ELP3: variants seen among roughly 807,000 people sequenced by gnomAD.
ELP3 encodes the protein elongator acetyltransferase complex subunit 3.
Under a neutral mutation model 74.9 loss-of-function variants are expected in ELP3, and 56 were observed. That is an observed-to-expected ratio of 0.75 (90% confidence interval 0.60 to 0.93). The LOEUF is 0.93. ELP3 is among the 40% of genes least tolerant of loss of function. The pLI is 0.00. For missense variants in ELP3, 573 were observed against 686.5 expected (o/e 0.83, Z 1.85); for synonymous variants, 222 against 239.8 (o/e 0.93, Z 0.68).
At chr8:28,156,700 AT>A (rs1279927038) in intron 11 of ELP3, among the ~76,000 whole-genome samples, 1 of 152,180 alleles carries the variant, frequency 6.6e-6, no homozygotes, top group Admixed American at 6.5e-5. Flanking sequence ...GGATCAGTAG[AT>A]TGGGATGGGA....
intron 7 of ELP3, among the ~76,000 whole-genome samples, chr8:28,114,705 A>G (rs1358665994): frequency 1.3e-5 from 2 of 152,198 alleles, no homozygotes; most frequent in African/African-American, 2.4e-5. Context: ...AAACACCCAA[A>G]CCATGTCAGA....
Position 28,162,087 on chromosome 8 carries a change from G to C in ELP3, c.1567+9G>C. On this transcript the variant is annotated intron_variant, in intron 14 of 14. Transcript: ENST00000256398. ...AATCGCTGTGATATCAGGTAACTGG[G>C]GGAGGGCGAAGTTCATGATTCCTTC... The C allele has an allele frequency of 6.2e-7, 1 of 1,614,014 alleles. No homozygotes were observed. The highest frequency in any genetic ancestry group is 8.5e-7 in the Non-Finnish European group (1 of 1,179,886).
At position 28,121,323 on chromosome 8, in the gene ELP3, TA is replaced by T. The variant is rs200105605; in HGVS notation, c.617+8151del. Among the ~76,000 whole-genome samples, 1,296 of 143,260 alleles carry T rather than the reference TA, an allele frequency of 9.0e-3. 28 individuals carry two copies. Among genetic ancestry groups the T allele is most frequent in the Non-Finnish European group, 0.011 (744 of 65,624 alleles). 94.0% of individuals were successfully genotyped at this position (143,260 alleles called of 152,430 possible). A position where few individuals can be genotyped will look rare whatever the true frequency, so the allele number is the denominator to read the frequency against. On this transcript the variant is annotated intron_variant, in intron 7 of 14. Transcript: ENST00000256398. The stretch of plus-strand genomic sequence containing the variant: ...TTTTAAATTTTATTATTATTATTAT[TA>T]TTTTTTTTTTTTTGAATCGGAGTCT...
At chr8:28,162,984 A>G (rs1377284606) in intron 14 of ELP3, among the ~76,000 whole-genome samples, 1 of 152,136 alleles carries the variant, frequency 6.6e-6, no homozygotes, top group Non-Finnish European at 1.5e-5. Flanking sequence ...TGCATCTGCC[A>G]TTTTCTGATT....
intron 3 of ELP3, among the ~76,000 whole-genome samples, chr8:28,102,135 C>T (rs558578378): frequency 6.6e-6 from 1 of 152,218 alleles, no homozygotes; most frequent in South Asian, 2.1e-4. Context: ...TAACCTCATC[C>T]ATTTGATGAT....
intron 1 of ELP3, among the ~76,000 whole-genome samples, chr8:28,094,415 G>A (rs963001946): frequency 2.0e-5 from 3 of 152,170 alleles, no homozygotes; most frequent in African/African-American, 7.2e-5. Context: ...AAGGAAATGG[G>A]CACTCAAAAG....
intron 13 of ELP3, among the ~76,000 whole-genome samples, chr8:28,160,998 A>T (rs540083798): frequency 4.6e-5 from 7 of 152,124 alleles, no homozygotes; most frequent in Admixed American, 6.5e-5. Flanking sequence ...CCTGGCCTGC[A>T]GTTAGTATTT....
intron 14 of ELP3, among the ~76,000 whole-genome samples, chr8:28,164,626 T>A (rs578230270): frequency 6.6e-6 from 1 of 152,030 alleles, no homozygotes; most frequent in Non-Finnish European, 1.5e-5. Context: ...GCCTGGACTT[T>A]CTGTTTGACT....
chr8:28,171,311 A>G (rs1483860837), intron 14 of ELP3, among the ~76,000 whole-genome samples: 2 of 151,746 alleles, frequency 1.3e-5, no homozygotes, highest in Non-Finnish European at 2.9e-5. Context: ...GTGCACAAGG[A>G]TTTCAATTTC....
At chr8:28,166,050 C>G (rs1175932602) in intron 14 of ELP3, among the ~76,000 whole-genome samples, 1 of 152,126 alleles carries the variant, frequency 6.6e-6, no homozygotes, top group Admixed American at 6.5e-5. Context: ...GAACCATCAA[C>G]TCTAAATGTG....
chr8:28,162,164 C>G, intron 14 of ELP3, 86 bp downstream of exon 14: 2 of 1,339,190 alleles, frequency 1.5e-6, no homozygotes, highest in Non-Finnish European at 2.1e-6. Context: ...CCTCTTGCCC[C>G]TGTTGATGGT....
chr8:28,155,846 ATTTTTGTT>A, intron 10 of ELP3, 88 bp from the exon 11 acceptor site: 1 of 1,060,140 alleles, frequency 9.4e-7, no homozygotes, highest in Non-Finnish European at 1.4e-6. Flanking sequence ...TTGCTTTTTT[ATTTTTGTT>A]CTTTTTAACT....
At chr8:28,110,550 C>A in intron 6 of ELP3, 112 bp downstream of exon 6, 1 of 980,580 alleles carries the variant, frequency 1.0e-6, no homozygotes, top group Non-Finnish European at 1.5e-6. Flanking sequence ...GGTGTTTTTC[C>A]TCTTTGTAAG....
intron 8 of ELP3, among the ~76,000 whole-genome samples, chr8:28,131,590 G>A (rs768196703): frequency 8.5e-5 from 13 of 152,200 alleles, no homozygotes; most frequent in East Asian, 1.9e-4. Context: ...GAACACCTTC[G>A]TGGCAGAAGG....
chr8:28,159,806 G>T (rs1294744138), intron 12 of ELP3, among the ~76,000 whole-genome samples: 1 of 152,202 alleles, frequency 6.6e-6, no homozygotes, highest in Non-Finnish European at 1.5e-5. Context: ...TTTCAGTGGA[G>T]GCGATAAGGA....
chr8:28,133,334 A>G (rs895064703), intron 9 of ELP3, among the ~76,000 whole-genome samples: 1 of 151,762 alleles, frequency 6.6e-6, no homozygotes, highest in African/African-American at 2.4e-5. Flanking sequence ...TAAGGAGATT[A>G]TGGACTCATT....
chr8:28,164,389 G>C (rs1340329044), intron 14 of ELP3, among the ~76,000 whole-genome samples: 1 of 152,144 alleles, frequency 6.6e-6, no homozygotes, highest in East Asian at 1.9e-4. Flanking sequence ...AACAAGAAGA[G>C]ACTTGCTCAA....
At chr8:28,115,841 C>T (rs1585657966) in intron 7 of ELP3, among the ~76,000 whole-genome samples, 1 of 152,118 alleles carries the variant, frequency 6.6e-6, no homozygotes. Context: ...GGAATATGGC[C>T]TGTTTTTCCT....
chr8:28,143,765 T>C (rs1190779762), intron 10 of ELP3, among the ~76,000 whole-genome samples: 1 of 152,194 alleles, frequency 6.6e-6, no homozygotes, highest in Admixed American at 6.5e-5. Flanking sequence ...AGTAATCTCT[T>C]AGAGTAGTAT....
Sources: gnomAD v4.1 joint callset for allele counts (sites outside exome capture counted in the v4.1 genomes callset) on GRCh38, gnomAD v4.1.1 for gene constraint, MANE v1.5 for transcripts, NCBI Gene and HGNC (gene_info 2026-07-23, HGNC 2026-07-21) for gene names.